SPTBN5: variants seen among roughly 807,000 people sequenced by gnomAD.
SPTBN5 encodes spectrin beta chain, non-erythrocytic 5.
In SPTBN5, 513 loss-of-function variants were observed where a neutral mutation model predicts 477.6. The observed-to-expected ratio is 1.07, with a 90% CI of 1.00 to 1.16. SPTBN5 has a LOEUF of 1.16. SPTBN5 is among the 50% of genes most tolerant of loss of function. The probability of loss-of-function intolerance (pLI) is 0.00; values close to 1 mark genes in which losing one functional copy is unlikely to be tolerated. For synonymous variants in SPTBN5, 2,169 were observed against 2,011.7 expected (o/e 1.08, Z -2.09); for missense variants, 5,062 against 4,731.8 (o/e 1.07, Z -2.05).
At position 41,866,493 on chromosome 15, in the gene SPTBN5, C is replaced by A. The variant is rs1476458691; in HGVS notation, c.6481G>T (p.Ala2161Ser). 4.5e-6 allele frequency: 7 copies of A among 1,560,242 alleles called. No homozygotes were observed. In the East Asian group the frequency reaches 1.1e-4, roughly 25 times the overall value. ...MASFTQAATQAEDWIQAWAQQ... is the reference protein window; with the variant it reads ...MASFTQAATQSEDWIQAWAQQ... ...GCCCACGCCTGGATCCAGTCCTCAGCCTGGTGGGGGTGGGACATGAATGCT... is the reference window on the plus strand; with the variant it reads ...GCCCACGCCTGGATCCAGTCCTCAGACTGGTGGGGGTGGGACATGAATGCT... Residue 2161 changes from alanine to serine, a missense_variant and splice_region_variant, in exon 37 of 68, where the codon GCT becomes TCT. Coordinates refer to ENST00000320955, the MANE Select transcript of SPTBN5 (RefSeq NM_016642.4).
At chr15:41,849,781 C>T (rs935381567) in intron 67 of SPTBN5, 88 bp downstream of exon 67, 1 of 1,036,204 alleles carries the variant, frequency 9.7e-7, no homozygotes, top group Admixed American at 2.0e-5. Context: ...AAGTCTGAGG[C>T]CCAGAACCTC....
At position 41,852,242 on chromosome 15, in the gene SPTBN5, C is replaced by G. The variant is rs2065788473; in HGVS notation, c.10524G>C (p.Gln3508His). ...GCCCCTGGTGTCCAGAGGGCCTCCA[C>G]TGAAAGGATGTCAGCGAGCTGCCAG... ...GRAGSSLTSF[Q>H]WRPSGHQGLG... The change falls in exon 62 of 68, where the codon CAG becomes CAC. Residue 3508 changes from glutamine (Q) to histidine (H), a missense_variant. Gln to His is a conservative substitution (Grantham distance 24). Coordinates refer to ENST00000320955, the MANE Select transcript of SPTBN5 (RefSeq NM_016642.4). 1.9e-6 allele frequency: 3 copies of G among 1,611,262 alleles called. No individual in the cohort carries two copies. The East Asian group carries it at 6.7e-5, about 36-fold the overall frequency.
At position 41,882,335 on chromosome 15, in the gene SPTBN5, C is replaced by A; in HGVS notation, c.2181G>T (p.Trp727Cys). The A allele has an allele frequency of 1.3e-6, 2 of 1,534,392 alleles. No individual in the cohort carries two copies. The highest frequency in any genetic ancestry group is 1.4e-5 in the African/African-American group (1 of 72,998). ...GERAEAVQGG[W>C]QLLQTRVVGR... ...CCACCACCCGGGTCTGGAGCAGCTGCCACCCTCCCTGAACGGCCTCTGCCC... is the reference window on the plus strand; with the variant it reads ...CCACCACCCGGGTCTGGAGCAGCTGACACCCTCCCTGAACGGCCTCTGCCC... The change falls in exon 11 of 68, where the codon TGG (tryptophan) becomes TGT (cysteine). Residue 727 changes from tryptophan (W) to cysteine (C), a missense_variant. Coordinates refer to ENST00000320955, the MANE Select transcript of SPTBN5 (RefSeq NM_016642.4).
chr15:41,868,101 C>T lies in SPTBN5; in HGVS notation c.6175G>A (p.Gly2059Ser), dbSNP rs576622167. 61 of 1,603,826 alleles carry T rather than the reference C, an allele frequency of 3.8e-5. No homozygotes were observed. Among genetic ancestry groups the T allele is most frequent in the Non-Finnish European group, 3.6e-5 (42 of 1,177,056 alleles). Reference sequence around the variant, plus strand: ...GCCGCGAGGATCTCCTCCAGGCGGCCGCACTCTCTGAGGAAGAGCTGCTCC... The same window carrying T: ...GCCGCGAGGATCTCCTCCAGGCGGCTGCACTCTCTGAGGAAGAGCTGCTCC... ...QQEQLFLREC[G>S]RLEEILAAQE... is the part of the protein sequence containing the mutation. The change falls in exon 34 of 68, where the codon GGC (glycine) becomes AGC (serine). Residue 2059 changes from glycine to serine, a missense_variant. Coordinates refer to ENST00000320955, the MANE Select transcript of SPTBN5 (RefSeq NM_016642.4).
chr15:41,856,757 G>T, intron 52 of SPTBN5, 96 bp downstream of exon 52: 2 of 1,386,168 alleles, frequency 1.4e-6, no homozygotes, highest in Non-Finnish European at 1.9e-6. Context: ...GCCCCCACAG[G>T]CAGAGAGTTC....
intron 61 of SPTBN5, 111 bp from the exon 62 acceptor site, chr15:41,852,427 C>A: frequency 7.1e-7 from 1 of 1,401,974 alleles, no homozygotes; most frequent in Non-Finnish European, 9.7e-7. Context: ...GGGGGCCTGC[C>A]TCCCCATCAC....
rs920620884 is a variant in SPTBN5, at chr15:41,865,483, G to C, written c.6918+325C>G. Among the ~76,000 whole-genome samples the C allele has an allele frequency of 4.6e-5, 7 of 152,290 alleles. No homozygotes were observed. In the East Asian group the frequency reaches 1.4e-3, roughly 29 times the overall value. On this transcript the variant is annotated intron_variant, in intron 39 of 67. Transcript: ENST00000320955. ...GACGTTGGTGTAATACTACCAACTA[G>C]ACCAGACCTCATTCAGATTTTATTA... is the stretch of plus-strand genomic sequence containing the variant.
Position 41,887,223 on chromosome 15 carries a change from C to T in SPTBN5, c.878G>A (p.Arg293Lys). 2 of 1,551,446 alleles carry T rather than the reference C, an allele frequency of 1.3e-6. No individual in the cohort carries two copies. The highest frequency in any genetic ancestry group is 1.7e-6 in the Non-Finnish European group (2 of 1,146,896). Residue 293 changes from arginine to lysine, a missense_variant, in exon 6 of 68, where the codon AGA becomes AAA. By Grantham distance (26) the Arg-to-Lys change is conservative. Transcript: ENST00000320955. ...RLHQGQTVQR[R>K]LTKILLQLQE... The stretch of plus-strand genomic sequence containing the variant: ...TCCTTTCTCCCCCACCTTAGTGAGT[C>T]TCCTCTGGACAGTCTGCCCCTGATG...
rs77259747 is a variant in SPTBN5, at chr15:41,853,464, G to T, written c.9981-17C>A. On this transcript the variant is annotated splice_polypyrimidine_tract_variant and intron_variant, in intron 58 of 67. Coordinates refer to ENST00000320955, the MANE Select transcript of SPTBN5 (RefSeq NM_016642.4). Reference sequence around the variant, plus strand: ...GCCCATGCTCTGTGGGGCAGGGAAGGGAGCTGTTGTCAGGGCTGGCTGGGG... The same window carrying T: ...GCCCATGCTCTGTGGGGCAGGGAAGTGAGCTGTTGTCAGGGCTGGCTGGGG... 1.3e-6 allele frequency: 2 copies of T among 1,557,280 alleles called. No homozygotes were observed. Among genetic ancestry groups the T allele is most frequent in the Non-Finnish European group, 8.7e-7 (1 of 1,143,734 alleles).
In SPTBN5 at chr15:41,850,841, C is replaced by T. The variant is rs1180820708; in HGVS notation, c.10921+13G>A. The T allele has an allele frequency of 1.3e-6, 2 of 1,584,674 alleles. No homozygotes were observed. Among genetic ancestry groups the T allele is most frequent in the Non-Finnish European group, 1.7e-6 (2 of 1,166,588 alleles). Reference sequence around the variant, plus strand: ...GTCGGCCGCCCTCCCCGCATCCTTCCCCTGAAGCCCACCTGCAGTGCTGCC... The same window carrying T: ...GTCGGCCGCCCTCCCCGCATCCTTCTCCTGAAGCCCACCTGCAGTGCTGCC... On this transcript the variant is annotated intron_variant, in intron 66 of 67. Coordinates refer to ENST00000320955, the MANE Select transcript of SPTBN5 (RefSeq NM_016642.4).
At chr15:41,854,230 C>CA (rs2065865668) in intron 56 of SPTBN5, 25 bp from the exon 57 acceptor site, 1 of 1,578,410 alleles carries the variant, frequency 6.3e-7, no homozygotes, top group Non-Finnish European at 8.6e-7. Flanking sequence ...AGGACCTGCT[C>CA]AGGGCTGTTC....
At chr15:41,872,890 G>A (rs771290568) in intron 26 of SPTBN5, among the ~76,000 whole-genome samples, 8 of 152,180 alleles carry the variant, frequency 5.3e-5, no homozygotes, top group South Asian at 2.1e-4. Flanking sequence ...AGGTCCTGTC[G>A]CAGAACACAC....
chr15:41,870,199 G>C (rs1296162238), intron 31 of SPTBN5, 44 bp downstream of exon 31: 2 of 1,526,124 alleles, frequency 1.3e-6, no homozygotes, highest in African/African-American at 1.4e-5. Flanking sequence ...CAGCCTGAGG[G>C]GGCTGCAGGG....
rs2066099907 is a variant in SPTBN5, at chr15:41,861,336, G to A, written c.7815+83C>T. ...CGAAGGGGAGGATCCCTGGCCTAGG[G>A]AGCTCAGGCAGCACTGGCTGGTTTG... On this transcript the variant is annotated intron_variant, in intron 46 of 67. Coordinates refer to ENST00000320955, the MANE Select transcript of SPTBN5 (RefSeq NM_016642.4). 2.4e-6 allele frequency: 3 copies of A among 1,231,128 alleles called. No homozygotes were observed. The African/African-American group carries it at 4.4e-5, about 18-fold the overall frequency. The allele number at this position is 1,231,128 out of a possible 1,614,324, so 76.3% of individuals were successfully genotyped here.
At position 41,855,659 on chromosome 15, in the gene SPTBN5, G is replaced by A. The variant is rs1234189894; in HGVS notation, c.9108C>T (p.Ala3036=). The A allele has an allele frequency of 1.2e-6, 2 of 1,607,420 alleles. No individual in the cohort carries two copies. The highest frequency in any genetic ancestry group is 1.7e-4 in the Middle Eastern group (1 of 6,046). The change falls in exon 54 of 68, where the codon GCC becomes GCT. Residue 3036 remains alanine (A), a synonymous_variant. Transcript: ENST00000320955. The part of the protein sequence containing the change: ...DMGHSAEATQ[A]LLRRLEATKR... ...TGGTGGCCTCCAGCCGCCGCAGAAGGGCCTGTGTGGCTTCAGCACTGTGGC... is the reference window on the plus strand; with the variant it reads ...TGGTGGCCTCCAGCCGCCGCAGAAGAGCCTGTGTGGCTTCAGCACTGTGGC...
intron 6 of SPTBN5, among the ~76,000 whole-genome samples, chr15:41,886,700 T>TA (rs1338499839): frequency 3.3e-5 from 5 of 152,278 alleles, no homozygotes; most frequent in South Asian, 2.1e-4. Flanking sequence ...TCCTACCCCA[T>TA]AAAGCAGCTC....
chr15:41,882,525 G>A, intron 10 of SPTBN5, 56 bp from the exon 11 acceptor site: 12 of 1,580,264 alleles, frequency 7.6e-6, no homozygotes, highest in Non-Finnish European at 1.0e-5. Context: ...AGGGGGCCGG[G>A]GGCCCGAGAG....
At chr15:41,859,232 C>T (rs899234937) in intron 47 of SPTBN5, among the ~76,000 whole-genome samples, 3 of 152,190 alleles carry the variant, frequency 2.0e-5, no homozygotes, top group Admixed American at 6.5e-5. Flanking sequence ...AATCTCGGCT[C>T]ACTGCAACCT....
intron 61 of SPTBN5, 123 bp downstream of exon 61, chr15:41,852,509 GCC>G: frequency 1.5e-6 from 2 of 1,312,322 alleles, no homozygotes; most frequent in Non-Finnish European, 2.2e-6. Flanking sequence ...ACCGCAGCTG[GCC>G]AGGGAAAGGA....
Sources: gnomAD v4.1 joint callset for allele counts (sites outside exome capture counted in the v4.1 genomes callset) on GRCh38, gnomAD v4.1.1 for gene constraint, MANE v1.5 for transcripts, NCBI Gene and HGNC (gene_info 2026-07-23, HGNC 2026-07-21) for gene names.